The following GFRA1 variants were observed in gnomAD, a reference collection of about 807,000 sequenced individuals.
GFRA1 encodes the protein GDNF family receptor alpha-1.
Under a neutral mutation model 51.6 loss-of-function variants are expected in GFRA1, and 16 were observed. The ratio of observed to expected loss-of-function variants is 0.31; its 90% CI spans 0.21 to 0.47. The LOEUF (loss-of-function observed/expected upper bound fraction) is 0.47, where lower values mean the gene tolerates loss of function less well. Among genes scored for constraint, GFRA1 ranks in the 20% least tolerant of loss-of-function variants. The pLI is 1.00. For synonymous variants in GFRA1, 270 were observed against 241.3 expected (o/e 1.12, Z -1.10); for missense variants, 530 against 594.3 (o/e 0.89, Z 1.13).
chr10:116,177,327 G>A (rs921963264), intron 5 of GFRA1, among the ~76,000 whole-genome samples: 5 of 152,162 alleles, frequency 3.3e-5, no homozygotes, highest in Non-Finnish European at 7.4e-5. Context: ...CTTATGCAAT[G>A]GTCTAGGCAA....
At chr10:116,246,917 A>G (rs1967912260) in intron 4 of GFRA1, among the ~76,000 whole-genome samples, 1 of 152,236 alleles carries the variant, frequency 6.6e-6, no homozygotes, top group Non-Finnish European at 1.5e-5. Flanking sequence ...GAATAAAAAC[A>G]GCAGTATTAT....
chr10:116,091,856 C>G (rs1172409462), intron 8 of GFRA1, among the ~76,000 whole-genome samples: 3 of 152,134 alleles, frequency 2.0e-5, no homozygotes, highest in Non-Finnish European at 4.4e-5. Context: ...GCCCCTGATG[C>G]AGACAAAATG....
chr10:116,170,308 G>C (rs1337133585), intron 5 of GFRA1, among the ~76,000 whole-genome samples: 1 of 152,194 alleles, frequency 6.6e-6, no homozygotes, highest in African/African-American at 2.4e-5. Context: ...CATTGAAAAG[G>C]AAGTGGGGCA....
In GFRA1 at chr10:116,077,808, G is replaced by T. The variant is rs945914073; in HGVS notation, c.1197+11933C>A. 5.3e-5 allele frequency among the ~76,000 whole-genome samples: 8 copies of T among 152,288 alleles called. No individual in the cohort carries two copies. In the East Asian group the frequency reaches 7.7e-4, roughly 15 times the overall value. On this transcript the variant is annotated intron_variant, in intron 9 of 10. Coordinates refer to ENST00000355422, the MANE Select transcript of GFRA1 (RefSeq NM_005264.8). ...CACCTGATGTCGGCAGGCTGGGGGG[G>T]ACAGCTTGTCCTCCATGGCAGCTGC... is the stretch of plus-strand genomic sequence containing the variant.
At chr10:116,089,069 A>C (rs887375509) in intron 9 of GFRA1, among the ~76,000 whole-genome samples, 2 of 152,156 alleles carry the variant, frequency 1.3e-5, no homozygotes, top group Non-Finnish European at 2.9e-5. Context: ...GACTGAAGAC[A>C]GGAAATCACC....
At chr10:116,065,987 C>T (rs114153787) in intron 9 of GFRA1, among the ~76,000 whole-genome samples, 4 of 152,124 alleles carry the variant, frequency 2.6e-5, no homozygotes, top group African/African-American at 9.7e-5. Context: ...GAAGGAGCAG[C>T]CCAGGACTAG....
intron 4 of GFRA1, among the ~76,000 whole-genome samples, chr10:116,223,033 C>A (rs964545005): frequency 6.6e-6 from 1 of 152,024 alleles, no homozygotes; most frequent in East Asian, 1.9e-4. Context: ...AAATGCAAAT[C>A]CCACACCATT....
chr10:116,085,747 T>A (rs537155124), intron 9 of GFRA1, among the ~76,000 whole-genome samples: 1 of 152,272 alleles, frequency 6.6e-6, no homozygotes, highest in South Asian at 2.1e-4. Flanking sequence ...GAGGTCACCC[T>A]AGAAAATCAG....
intron 4 of GFRA1, among the ~76,000 whole-genome samples, chr10:116,266,986 A>T (rs1335023828): frequency 6.6e-6 from 1 of 151,888 alleles, no homozygotes; most frequent in African/African-American, 2.4e-5. Context: ...GTGTAAAAAA[A>T]CTCCATTGCT....
chr10:116,261,476 C>A (rs1969296185), intron 4 of GFRA1, among the ~76,000 whole-genome samples: 1 of 152,168 alleles, frequency 6.6e-6, no homozygotes, highest in South Asian at 2.1e-4. Flanking sequence ...CTACTGAGCT[C>A]ACTCCTAGCT....
chr10:116,252,341 G>T (rs1368573439), intron 4 of GFRA1, among the ~76,000 whole-genome samples: 1 of 152,028 alleles, frequency 6.6e-6, no homozygotes, highest in African/African-American at 2.4e-5. Flanking sequence ...CCCTTCACGT[G>T]GTAGGAACAG....
At chr10:116,087,375 T>C (rs2133862123) in intron 9 of GFRA1, among the ~76,000 whole-genome samples, 1 of 152,332 alleles carries the variant, frequency 6.6e-6, no homozygotes, top group East Asian at 1.9e-4. Flanking sequence ...TTTCCAATGA[T>C]GACTATTCTG....
At chr10:116,165,687 A>ACACACACACACACACT (rs1278796028) in intron 5 of GFRA1, among the ~76,000 whole-genome samples, 2 of 150,558 alleles carry the variant, frequency 1.3e-5, no homozygotes, top group African/African-American at 4.9e-5. Flanking sequence ...ACACACACAC[A>ACACACACACACACACT]CTCACAAGAG....
chr10:116,224,798 T>C lies in GFRA1; in HGVS notation c.419-13153A>G, dbSNP rs1047242888. ...AACTCTGAATATACTAAAATCCATTTAACTGTACACTTTAAATGGGTGAAT... is the reference window on the plus strand; with the variant it reads ...AACTCTGAATATACTAAAATCCATTCAACTGTACACTTTAAATGGGTGAAT... On this transcript the variant is annotated intron_variant, in intron 4 of 10. Transcript: ENST00000355422. Among the ~76,000 whole-genome samples the C allele has an allele frequency of 3.3e-5, 5 of 152,200 alleles. No individual in the cohort carries two copies. The South Asian group carries it at 1.0e-3, about 32-fold the overall frequency.
chr10:116,134,468 T>A (rs537611388), intron 5 of GFRA1, among the ~76,000 whole-genome samples: 37 of 152,316 alleles, frequency 2.4e-4, no homozygotes, highest in African/African-American at 8.7e-4. Flanking sequence ...GCAAATTTGA[T>A]CATACAGGTT....
intron 5 of GFRA1, among the ~76,000 whole-genome samples, chr10:116,166,357 C>T (rs1261556755): frequency 6.6e-6 from 1 of 152,084 alleles, no homozygotes; most frequent in Non-Finnish European, 1.5e-5. Flanking sequence ...GTCTTTAGTT[C>T]TTTGAGGAGT....
Position 116,257,056 on chromosome 10 carries a change from C to T in GFRA1, c.418+12447G>A, listed in dbSNP as rs79882864. Among the ~76,000 whole-genome samples, 370 of 152,284 alleles carry T rather than the reference C, an allele frequency of 2.4e-3. 9 individuals carry two copies. In the East Asian group the frequency reaches 0.06, roughly 25 times the overall value. On this transcript the variant is annotated intron_variant, in intron 4 of 10. Coordinates refer to ENST00000355422, the MANE Select transcript of GFRA1 (RefSeq NM_005264.8). ...CAGAAAAGCAGATGGGAGCCATCCT[C>T]TCAGGGACCCATGCTGTGCACATCC...
intron 4 of GFRA1, among the ~76,000 whole-genome samples, chr10:116,236,597 A>G (rs1298161370): frequency 6.6e-6 from 1 of 152,242 alleles, no homozygotes; most frequent in South Asian, 2.1e-4. Context: ...TAATGTATAT[A>G]CAAATTAAAC....
rs1957976912 is a variant in GFRA1 at position 116,128,722 on chromosome 10, T to C, written c.434-3165A>G. ...GCCTGGGGGACTGAGTGAGACTCTG[T>C]CTCAAAAAAAAAAAAAAAAAAAAAA... On this transcript the variant is annotated intron_variant, in intron 5 of 10. Coordinates refer to ENST00000355422, the MANE Select transcript of GFRA1 (RefSeq NM_005264.8). 7.5e-5 allele frequency among the ~76,000 whole-genome samples: 6 copies of C among 79,638 alleles called. No individual in the cohort carries two copies. The South Asian group carries it at 2.3e-3, about 30-fold the overall frequency. 52.2% of individuals were successfully genotyped at this position (79,638 alleles called of 152,430 possible). A position where few individuals can be genotyped will look rare whatever the true frequency, so the allele number is the denominator to read the frequency against.
Sources: allele counts gnomAD v4.1 joint callset (sites outside exome capture counted in the v4.1 genomes callset), GRCh38; gene constraint gnomAD v4.1.1; transcripts MANE v1.5; gene names NCBI Gene and HGNC (gene_info 2026-07-23, HGNC 2026-07-21).